PCCA: variants seen among roughly 807,000 people sequenced by gnomAD.
The protein encoded by PCCA is propionyl-CoA carboxylase subunit alpha.
A neutral mutation model predicts 101.3 loss-of-function variants in PCCA; 74 were observed. That is an observed-to-expected ratio of 0.73 (90% CI 0.61 to 0.89). PCCA has a LOEUF of 0.89. Among genes scored for constraint, PCCA ranks in the 40% least tolerant of loss-of-function variants. The pLI is 0.00. For missense variants in PCCA, 891 were observed against 907.0 expected (o/e 0.98, Z 0.23); for synonymous variants, 294 against 313.6 (o/e 0.94, Z 0.66).
chr13:100,328,565 C>T (rs557019082), intron 16 of PCCA, among the ~76,000 whole-genome samples: 35 of 151,370 alleles, frequency 2.3e-4, no homozygotes, highest in Non-Finnish European at 4.0e-4. Flanking sequence ...ACTAAGAATC[C>T]GTTGCCTACC....
At chr13:100,455,492 G>A (rs1343743234) in intron 21 of PCCA, among the ~76,000 whole-genome samples, 1 of 152,162 alleles carries the variant, frequency 6.6e-6, no homozygotes, top group Non-Finnish European at 1.5e-5. Context: ...GTGACTTGGT[G>A]ATTTTGCTTT....
chr13:100,111,459 G>C (rs1004714998), intron 2 of PCCA, among the ~76,000 whole-genome samples: 6 of 152,008 alleles, frequency 3.9e-5, no homozygotes, highest in Non-Finnish European at 8.8e-5. Flanking sequence ...CTGCACCCGG[G>C]CTTGACCAAA....
At chr13:100,330,474 A>C in intron 16 of PCCA, 87 bp from the exon 17 acceptor site, 1 of 799,708 alleles carries the variant, frequency 1.3e-6, no homozygotes, top group Non-Finnish European at 2.2e-6. Flanking sequence ...TAGGTCATAG[A>C]ACAGTGATGA....
At chr13:100,361,544 G>A (rs547938325) in intron 18 of PCCA, among the ~76,000 whole-genome samples, 2 of 151,606 alleles carry the variant, frequency 1.3e-5, no homozygotes, top group South Asian at 4.2e-4. Flanking sequence ...ATCTGACAAA[G>A]GCCTTGTATC....
At position 100,301,650 on chromosome 13, in the gene PCCA, T is replaced by C. The variant is rs140091454; in HGVS notation, c.1209+47T>C. 65 of 1,601,482 alleles carry C rather than the reference T, an allele frequency of 4.1e-5. No individual in the cohort carries two copies. In the African/African-American group the frequency reaches 7.9e-4, roughly 19 times the overall value. The stretch of plus-strand genomic sequence containing the variant: ...GGAAGGATGGTGGTTATGTCCAGAG[T>C]CATGAGACCTGGTATAGCCAAACAA... On this transcript the variant is annotated intron_variant, in intron 13 of 23. Coordinates refer to ENST00000376285, the MANE Select transcript of PCCA (RefSeq NM_000282.4).
chr13:100,357,569 G>A (rs759488773), intron 18 of PCCA, among the ~76,000 whole-genome samples: 2 of 152,256 alleles, frequency 1.3e-5, no homozygotes, highest in African/African-American at 4.8e-5. Flanking sequence ...TCCTACAATG[G>A]CAGTGTAGTG....
chr13:100,152,005 AC>A (rs1439011592), intron 4 of PCCA, among the ~76,000 whole-genome samples: 6 of 152,222 alleles, frequency 3.9e-5, no homozygotes, highest in East Asian at 1.9e-4. Context: ...GCCAAAAAAA[AC>A]ACCTCACACA....
At chr13:100,234,691 T>TC (rs565496730) in intron 7 of PCCA, among the ~76,000 whole-genome samples, 183 of 148,648 alleles carry the variant, frequency 1.2e-3, no homozygotes, top group Middle Eastern at 6.8e-3. Context: ...GTTATAAACA[T>TC]CCCCCCCCGC....
At chr13:100,303,122 A>G in intron 14 of PCCA, 124 bp downstream of exon 14, 1 of 758,328 alleles carries the variant, frequency 1.3e-6, no homozygotes, top group East Asian at 2.5e-5. Context: ...CATGGGAATC[A>G]TGGTTTTTGT....
chr13:100,231,881 A>C (rs1220879093), intron 7 of PCCA, among the ~76,000 whole-genome samples: 1 of 152,036 alleles, frequency 6.6e-6, no homozygotes, highest in Non-Finnish European at 1.5e-5. Flanking sequence ...TGTCTGTCCT[A>C]CTTTTGAGCA....
chr13:100,388,639 T>C (rs898317213), intron 19 of PCCA, among the ~76,000 whole-genome samples: 1 of 151,906 alleles, frequency 6.6e-6, no homozygotes, highest in Admixed American at 6.6e-5. Flanking sequence ...CTACTAAAGA[T>C]GCAAAAATTA....
chr13:100,410,940 A>G (rs1016412749), intron 19 of PCCA, among the ~76,000 whole-genome samples: 6 of 152,202 alleles, frequency 3.9e-5, no homozygotes, highest in African/African-American at 1.4e-4. Flanking sequence ...TGTGAAAGAA[A>G]ATAGTAGCAA....
chr13:100,272,281 C>G (rs1386773069), intron 11 of PCCA, among the ~76,000 whole-genome samples: 1 of 152,124 alleles, frequency 6.6e-6, no homozygotes, highest in African/African-American at 2.4e-5. Context: ...ATAATTTCCC[C>G]TAGGGGAAAT....
At chr13:100,263,467 G>A (rs2062666950) in intron 10 of PCCA, among the ~76,000 whole-genome samples, 1 of 151,970 alleles carries the variant, frequency 6.6e-6, no homozygotes, top group Non-Finnish European at 1.5e-5. Flanking sequence ...GTGTGGAGAG[G>A]GAACCAGATA....
intron 7 of PCCA, among the ~76,000 whole-genome samples, chr13:100,216,055 C>G (rs1246943232): frequency 6.6e-6 from 1 of 152,002 alleles, no homozygotes; most frequent in Non-Finnish European, 1.5e-5. Flanking sequence ...ATTTTCCTCC[C>G]TTTCCCTTCC....
intron 6 of PCCA, among the ~76,000 whole-genome samples, chr13:100,168,315 C>T (rs1317459961): frequency 6.6e-6 from 1 of 152,196 alleles, no homozygotes; most frequent in African/African-American, 2.4e-5. Context: ...AAACCAGCCT[C>T]TCCACACATC....
intron 12 of PCCA, among the ~76,000 whole-genome samples, chr13:100,298,808 A>C (rs1393001578): frequency 6.7e-6 from 1 of 148,666 alleles, no homozygotes; most frequent in Non-Finnish European, 1.5e-5. Context: ...ATTGAGCTTA[A>C]CTTGCAGAGA....
intron 2 of PCCA, among the ~76,000 whole-genome samples, chr13:100,110,001 G>T (rs1019353880): frequency 2.6e-5 from 4 of 152,116 alleles, no homozygotes; most frequent in African/African-American, 9.7e-5. Flanking sequence ...GGGCTTGGTG[G>T]TGCGCACCTG....
intron 19 of PCCA, among the ~76,000 whole-genome samples, chr13:100,421,310 A>G (rs2078734217): frequency 6.6e-6 from 1 of 152,214 alleles, no homozygotes; most frequent in African/African-American, 2.4e-5. Flanking sequence ...CCTGTTCCTC[A>G]GCTATTCTGT....
Sources: allele counts gnomAD v4.1 joint callset (sites outside exome capture counted in the v4.1 genomes callset), GRCh38; gene constraint gnomAD v4.1.1; transcripts MANE v1.5; gene names NCBI Gene and HGNC (gene_info 2026-07-23, HGNC 2026-07-21).